The following DIP2C variants were observed in gnomAD, a reference collection of about 807,000 sequenced individuals.
DIP2C encodes disco-interacting protein 2 homolog C.
DIP2C carries 33 observed loss-of-function variants against 192.4 expected under a neutral mutation model. That is an observed-to-expected ratio of 0.17 (90% CI 0.13 to 0.23). The LOEUF is 0.23. DIP2C is among the 10% of genes least tolerant of loss of function. DIP2C has a pLI of 1.00. For missense variants in DIP2C, 1,537 were observed against 2,110.1 expected (o/e 0.73, Z 5.32); for synonymous variants, 979 against 864.1 (o/e 1.13, Z -2.33).
chr10:591,926 A>G (rs1245248355), intron 1 of DIP2C, among the ~76,000 whole-genome samples: 6 of 152,206 alleles, frequency 3.9e-5, no homozygotes, highest in African/African-American at 1.4e-4. Context: ...CAAACAGCAG[A>G]AAGTCTCCAT....
chr10:462,109 A>G (rs895517562), intron 3 of DIP2C, among the ~76,000 whole-genome samples: 6 of 152,190 alleles, frequency 3.9e-5, no homozygotes, highest in African/African-American at 1.4e-4. Context: ...CTAACATCAT[A>G]ATTAAAAGAA....
chr10:523,600 C>CCCTGGA (rs1368011141), intron 1 of DIP2C, among the ~76,000 whole-genome samples: 7 of 150,222 alleles, frequency 4.7e-5, no homozygotes, highest in Non-Finnish European at 1.0e-4. Flanking sequence ...ACACAAAGGA[C>CCCTGGA]CCTGGAGTGA....
intron 1 of DIP2C, among the ~76,000 whole-genome samples, chr10:671,087 G>A (rs1490430482): frequency 6.6e-6 from 1 of 152,256 alleles, no homozygotes; most frequent in Non-Finnish European, 1.5e-5. Flanking sequence ...CTCAGACCGA[G>A]GGCTCCGCTA....
intron 1 of DIP2C, among the ~76,000 whole-genome samples, chr10:602,690 C>T (rs568346846): frequency 5.3e-5 from 8 of 152,338 alleles, no homozygotes; most frequent in African/African-American, 1.4e-4. Context: ...AGTCATGTTA[C>T]AACATTAGCC....
At position 329,421 on chromosome 10, in the gene DIP2C, G is replaced by T. The variant is rs1426111611; in HGVS notation, c.3753+12C>A. ...GCTCACAGGGCACTGAGCTGCCAAGGGAGCTGCTTACCTTGAGGGACTCTG... is the reference window on the plus strand; with the variant it reads ...GCTCACAGGGCACTGAGCTGCCAAGTGAGCTGCTTACCTTGAGGGACTCTG... On this transcript the variant is annotated intron_variant, in intron 30 of 36. Coordinates refer to ENST00000280886, the MANE Select transcript of DIP2C (RefSeq NM_014974.3). The T allele has an allele frequency of 6.2e-7, 1 of 1,609,412 alleles. No individual in the cohort carries two copies. The highest frequency in any genetic ancestry group is 1.1e-5 in the South Asian group (1 of 90,180).
At chr10:316,734 G>A (rs982948800) in intron 31 of DIP2C, among the ~76,000 whole-genome samples, 5 of 152,234 alleles carry the variant, frequency 3.3e-5, no homozygotes, top group South Asian at 2.1e-4. Flanking sequence ...AAGGTTCAGA[G>A]TGCCTCAGAG....
intron 1 of DIP2C, among the ~76,000 whole-genome samples, chr10:624,821 C>CG (rs1854091642): frequency 6.6e-6 from 1 of 152,136 alleles, no homozygotes; most frequent in Non-Finnish European, 1.5e-5. Flanking sequence ...GGGGCACCCA[C>CG]GAGAAAACTA....
In DIP2C at chr10:422,975, G is replaced by A. The variant is rs779073111; in HGVS notation, c.453C>T (p.Pro151=). ...GSVQGDSQGT[P]TSSQGSINME... ...TATTGATGCTGCCCTGGCTGGAGGT[G>A]GGGGTGCCCTGGGAGTCCCCCTGCA... Residue 151 remains proline (P), a synonymous_variant, in exon 5 of 37, where the codon CCC becomes CCT. Coordinates refer to ENST00000280886, the MANE Select transcript of DIP2C (RefSeq NM_014974.3). 3 of 1,614,128 alleles carry A rather than the reference G, an allele frequency of 1.9e-6. No homozygotes were observed. The highest frequency in any genetic ancestry group is 2.2e-5 in the South Asian group (2 of 91,080).
chr10:345,256 A>G (rs1008044509), intron 26 of DIP2C, 146 bp from the exon 27 acceptor site: 16 of 819,354 alleles, frequency 2.0e-5, no homozygotes, highest in Non-Finnish European at 3.2e-5. Flanking sequence ...CTGCTGGCTA[A>G]GGTAGGACAG....
intron 1 of DIP2C, among the ~76,000 whole-genome samples, chr10:605,668 T>G (rs1399241722): frequency 6.6e-6 from 1 of 152,172 alleles, no homozygotes; most frequent in East Asian, 1.9e-4. Flanking sequence ...TTGCCACCTC[T>G]GTCTTAGATA....
chr10:562,532 ACT>A (rs1165147085), intron 1 of DIP2C, among the ~76,000 whole-genome samples: 6 of 152,168 alleles, frequency 3.9e-5, no homozygotes, highest in Non-Finnish European at 5.9e-5. Flanking sequence ...CTGTACATTC[ACT>A]CTCATTCTTT....
intron 14 of DIP2C, among the ~76,000 whole-genome samples, chr10:385,551 C>T (rs752232258): frequency 1.3e-5 from 2 of 152,214 alleles, no homozygotes; most frequent in African/African-American, 2.4e-5. Context: ...TGCTCTGAAT[C>T]GCAGGGCTAG....
At chr10:477,989 GAA>G (rs1290807769) in intron 2 of DIP2C, among the ~76,000 whole-genome samples, 2 of 69,416 alleles carry the variant, frequency 2.9e-5, no homozygotes, top group East Asian at 8.6e-4. Context: ...AAGTAGAAGA[GAA>G]GATAGAAGAG....
chr10:319,073 G>A (rs55892287), intron 31 of DIP2C, among the ~76,000 whole-genome samples: 3,715 of 151,900 alleles, frequency 0.024, 84 homozygotes, highest in African/African-American at 0.054. Context: ...CCAATGAACC[G>A]GGCTAATTTT....
In DIP2C at chr10:417,780, G is replaced by GA. The variant is rs1288822154; in HGVS notation, c.739+1284_739+1285insT. Reference sequence around the variant, plus strand: ...CATCCCTGTCCACCTGCACCTGTCAGGGCTCGGATAGGCCTCCCTGTCCAC... The same window carrying GA: ...CATCCCTGTCCACCTGCACCTGTCAGAGGCTCGGATAGGCCTCCCTGTCCAC... On this transcript the variant is annotated intron_variant, in intron 6 of 36. Transcript: ENST00000280886. Among the ~76,000 whole-genome samples the GA allele has an allele frequency of 1.7e-5, 2 of 118,982 alleles. 1 individual carries two copies. The allele number at this position is 118,982 out of a possible 152,430, so 78.1% of individuals were successfully genotyped here.
At chr10:337,581 ATGTGTG>A (rs547049566) in intron 29 of DIP2C, among the ~76,000 whole-genome samples, 1 of 100,422 alleles carries the variant, frequency 1.0e-5, no homozygotes, top group Non-Finnish European at 2.0e-5. Context: ...GCCTAGGCTG[ATGTGTG>A]TGTGTGTGTT....
chr10:494,728 C>A (rs1432531452), intron 1 of DIP2C, among the ~76,000 whole-genome samples: 1 of 152,180 alleles, frequency 6.6e-6, no homozygotes, highest in East Asian at 1.9e-4. Context: ...GGATCAGAAA[C>A]GTAAATTCTG....
intron 1 of DIP2C, among the ~76,000 whole-genome samples, chr10:581,719 G>A (rs1208583627): frequency 6.6e-6 from 1 of 152,146 alleles, no homozygotes; most frequent in Non-Finnish European, 1.5e-5. Flanking sequence ...CTGGTTGTCA[G>A]GTTCTGGGTC....
chr10:447,628 C>T (rs1443114955), intron 3 of DIP2C, among the ~76,000 whole-genome samples: 2 of 133,088 alleles, frequency 1.5e-5, no homozygotes, highest in South Asian at 2.4e-4. Context: ...CCTGTCTATA[C>T]TCAGGATCAC....
Sources: allele counts gnomAD v4.1 joint callset (sites outside exome capture counted in the v4.1 genomes callset), GRCh38; gene constraint gnomAD v4.1.1; transcripts MANE v1.5; gene names NCBI Gene and HGNC (gene_info 2026-07-23, HGNC 2026-07-21).